The following B4GALNT4 variants were observed in gnomAD, a reference collection of about 807,000 sequenced individuals.
B4GALNT4 encodes the protein N-acetyl-beta-glucosaminyl-glycoprotein 4-beta-N-acetylgalactosaminyltransferase 1.
A neutral mutation model predicts 110.0 loss-of-function variants in B4GALNT4; 77 were observed. The ratio of observed to expected loss-of-function variants is 0.70; its 90% CI spans 0.58 to 0.85. B4GALNT4 has a LOEUF of 0.85. B4GALNT4 is among the 40% of genes least tolerant of loss of function. The pLI is 0.00. For missense variants in B4GALNT4, 1,575 were observed against 1,506.0 expected (o/e 1.05, Z -0.76); for synonymous variants, 785 against 655.5 (o/e 1.20, Z -3.02).
chr11:376,850 G>T lies in B4GALNT4; in HGVS notation c.1727G>T (p.Gly576Val). 1 of 1,324,628 alleles carries T rather than the reference G, an allele frequency of 7.5e-7. No individual in the cohort carries two copies. Among genetic ancestry groups the T allele is most frequent in the Non-Finnish European group, 9.6e-7 (1 of 1,038,748 alleles). 82.1% of individuals were successfully genotyped at this position (1,324,628 alleles called of 1,614,324 possible). The change falls in exon 14 of 20, where the codon GGC (glycine) becomes GTC (valine). Residue 576 changes from glycine to valine, a missense_variant. Transcript: ENST00000329962. Reference protein sequence around the residue: ...RAPPRPPRPHGRRTGGPQATQ... With the variant: ...RAPPRPPRPHVRRTGGPQATQ... Reference sequence around the variant, plus strand: ...CCCCCACGCCCACCCCGGCCCCACGGCCGCAGGACCGGCGGCCCCCAGGCC... The same window carrying T: ...CCCCCACGCCCACCCCGGCCCCACGTCCGCAGGACCGGCGGCCCCCAGGCC...
chr11:372,061 C>A, intron 1 of B4GALNT4, 48 bp from the exon 2 acceptor site: 1 of 1,479,872 alleles, frequency 6.8e-7, no homozygotes, highest in Non-Finnish European at 9.2e-7. Context: ...GGCAGAATGG[C>A]CTTGGAGAGA....
intron 18 of B4GALNT4, 99 bp from the exon 19 acceptor site, chr11:380,726 C>T (rs891349632): frequency 8.1e-5 from 128 of 1,588,394 alleles, no homozygotes; most frequent in Middle Eastern, 5.0e-4. Flanking sequence ...TGATGGGACC[C>T]GGCACCTGAC....
Position 376,232 on chromosome 11 carries a change from AT to A in B4GALNT4, c.1197-18del. ...GTGGGCGGGGCGGGACTCGGCTCTGATGCCCCGCCGCGCCCCAGGTTTGGGT... is the reference window on the plus strand; with the variant it reads ...GTGGGCGGGGCGGGACTCGGCTCTGAGCCCCGCCGCGCCCCAGGTTTGGGT... On this transcript the variant is annotated intron_variant, in intron 12 of 19. Transcript: ENST00000329962. 1 of 1,602,736 alleles carries A rather than the reference AT, an allele frequency of 6.2e-7. No individual in the cohort carries two copies. Among genetic ancestry groups the A allele is most frequent in the Non-Finnish European group, 8.5e-7 (1 of 1,174,042 alleles).
chr11:374,014 T>A (rs1010879573), intron 8 of B4GALNT4, among the ~76,000 whole-genome samples, 186 bp downstream of exon 8: 3 of 152,038 alleles, frequency 2.0e-5, no homozygotes, highest in Non-Finnish European at 4.4e-5. Context: ...GAGTCACCTT[T>A]GAGTAGAGTC....
intron 18 of B4GALNT4, 153 bp from the exon 19 acceptor site, chr11:380,672 G>T (rs755030153): frequency 1.5e-6 from 2 of 1,378,578 alleles, no homozygotes; most frequent in African/African-American, 2.9e-5. Flanking sequence ...GCGCTCCAGG[G>T]TCATGACCCA....
Position 376,921 on chromosome 11 carries a change from C to T in B4GALNT4, c.1798C>T (p.Arg600Trp), listed in dbSNP as rs1025331772. 7 of 1,391,672 alleles carry T rather than the reference C, an allele frequency of 5.0e-6. No individual in the cohort carries two copies. The African/African-American group carries it at 6.1e-5, about 12-fold the overall frequency. The allele number at this position is 1,391,672 out of a possible 1,614,324, so 86.2% of individuals were successfully genotyped here. A position where few individuals can be genotyped will look rare whatever the true frequency, so the allele number is the denominator to read the frequency against. Residue 600 changes from arginine to tryptophan, a missense_variant, in exon 14 of 20, where the codon CGG becomes TGG. By Grantham distance (101) the Arg-to-Trp change is moderately radical. Transcript: ENST00000329962. ...PARAQATQGG[R>W]EGQARTLGPA... ...CCGGGCGCAGGCCACCCAAGGGGGC[C>T]GGGAGGGCCAGGCGCGCACGCTGGG...
chr11:372,876 G>C lies in B4GALNT4; in HGVS notation c.373G>C (p.Val125Leu). Residue 125 changes from valine to leucine, a missense_variant, in exon 4 of 20, where the codon GTG becomes CTG. Transcript: ENST00000329962. ...GTACAAGGGGCAGGTGAACCTGCAC[G>C]TGTTTGAGGACTGGTGTGGGGGCGC... ...EEYKGQVNLH[V>L]FEDWCGGAVG... 1 of 1,611,908 alleles carries C rather than the reference G, an allele frequency of 6.2e-7. No homozygotes were observed. The highest frequency in any genetic ancestry group is 8.5e-7 in the Non-Finnish European group (1 of 1,179,736).
chr11:382,000 T>C lies in B4GALNT4; in HGVS notation c.*208T>C. On this transcript the variant is annotated 3_prime_UTR_variant, in exon 20 of 20. Coordinates refer to ENST00000329962, the MANE Select transcript of B4GALNT4 (RefSeq NM_178537.5). ...GTCAGGGCCTGGCCTTGGTCCCCAC[T>C]CTGCGATGATTTCTGTGAAATTTTG... The C allele has an allele frequency of 2.1e-6, 1 of 471,440 alleles. No individual in the cohort carries two copies. The highest frequency in any genetic ancestry group is 3.8e-5 in the East Asian group (1 of 26,444). The allele number at this position is 471,440 out of a possible 1,614,324, so 29.2% of individuals were successfully genotyped here.
At position 369,579 on chromosome 11, in the gene B4GALNT4, G is replaced by A. The variant is rs973348408; in HGVS notation, c.-225G>A. Among the ~76,000 whole-genome samples the A allele has an allele frequency of 7.0e-6, 1 of 143,664 alleles. No individual in the cohort carries two copies. Among genetic ancestry groups the A allele is most frequent in the South Asian group, 2.1e-4 (1 of 4,714 alleles). 94.2% of individuals were successfully genotyped at this position (143,664 alleles called of 152,430 possible). On this transcript the variant is annotated 5_prime_UTR_variant, in exon 1 of 20. Transcript: ENST00000329962. ...GGAGCCGGGAGCGGCCGGGCGGGGG[G>A]CACCGCGAGGAGCCGCCCCCGCCGC...
Position 375,687 on chromosome 11 carries a change from C to T in B4GALNT4, c.899C>T (p.Pro300Leu), listed in dbSNP as rs1245497605. 6.3e-7 allele frequency: 1 copy of T among 1,594,252 alleles called. No homozygotes were observed. Among genetic ancestry groups the T allele is most frequent in the African/African-American group, 1.3e-5 (1 of 74,886 alleles). ...CACGTGGCGCACGTCCCCCAGTCTC[C>T]AGCCAGCCACGTGGGGGGGCGTCCG... ...MDHVAHVPQS[P>L]ASHVGGRPPQ... The change falls in exon 10 of 20, where the codon CCA becomes CTA. Residue 300 changes from proline (P) to leucine (L), a missense_variant. Transcript: ENST00000329962.
At position 374,320 on chromosome 11, in the gene B4GALNT4, C is replaced by G. The variant is rs535721787; in HGVS notation, c.783+492C>G. On this transcript the variant is annotated intron_variant, in intron 8 of 19. Transcript: ENST00000329962. ...AGGATTTTTACTGTGGCCTTTGGTC[C>G]TCAAACCCAGGGAGGTGGCTGTGGG... 2.0e-5 allele frequency among the ~76,000 whole-genome samples: 3 copies of G among 151,880 alleles called. 1 individual carries two copies. The highest frequency in any genetic ancestry group is 7.2e-5 in the African/African-American group (3 of 41,418).
intron 14 of B4GALNT4, among the ~76,000 whole-genome samples, chr11:378,381 G>T (rs1846803901): frequency 6.6e-6 from 1 of 152,224 alleles, no homozygotes; most frequent in African/African-American, 2.4e-5. Flanking sequence ...CCGGCTCTAA[G>T]CTTCCTGAGA....
rs768736423 is a variant in B4GALNT4, at chr11:379,610, C to A, written c.2397C>A (p.Ala799=). The A allele has an allele frequency of 9.7e-6, 15 of 1,544,468 alleles. No individual in the cohort carries two copies. Among genetic ancestry groups the A allele is most frequent in the Non-Finnish European group, 1.2e-5 (14 of 1,148,808 alleles). The part of the protein sequence containing the change: ...ADGESPEPAP[A]ASVRPDGRPE... ...GAGAAAGTCCCGAACCCGCTCCCGC[C>A]GCCTCCGTGCGCCCCGACGGCCGCC... Residue 799 remains alanine (A), a synonymous_variant, in exon 15 of 20, where the codon GCC becomes GCA. Coordinates refer to ENST00000329962, the MANE Select transcript of B4GALNT4 (RefSeq NM_178537.5).
At chr11:369,978 G>GCGCGGGGGGCGGGGGCGGCGCGGGGT (rs1236723003) in intron 1 of B4GALNT4, 24 bp downstream of exon 1, 2 of 619,030 alleles carry the variant, frequency 3.2e-6, no homozygotes, top group African/African-American at 4.5e-5. Flanking sequence ...GGCGCGGGGG[G>GCGCGGGGGGCGGGGGCGGCGCGGGGT]CGCGGGGGGC....
chr11:376,983 C>T lies in B4GALNT4; in HGVS notation c.1860C>T (p.Ser620=), dbSNP rs1050468110. ...CCACAGTGGACTCAAACTTGTCCTC[C>T]GAAGCGCGGCCCGTGACCTCCTTCC... is the stretch of plus-strand genomic sequence containing the variant. ...AAPTVDSNLS[S]EARPVTSFLS... Residue 620 remains serine (S), a synonymous_variant, in exon 14 of 20, where the codon TCC becomes TCT. Transcript: ENST00000329962. The T allele has an allele frequency of 1.2e-5, 17 of 1,457,118 alleles. No homozygotes were observed. Among genetic ancestry groups the T allele is most frequent in the Admixed American group, 8.8e-5 (3 of 34,150 alleles). 90.3% of individuals were successfully genotyped at this position (1,457,118 alleles called of 1,614,324 possible).
At position 376,801 on chromosome 11, in the gene B4GALNT4, C is replaced by G; in HGVS notation, c.1678C>G (p.Leu560Val). The G allele has an allele frequency of 1.4e-6, 2 of 1,383,720 alleles. No homozygotes were observed. Among genetic ancestry groups the G allele is most frequent in the South Asian group, 1.5e-5 (1 of 68,180 alleles). 85.7% of individuals were successfully genotyped at this position (1,383,720 alleles called of 1,614,324 possible). Residue 560 changes from leucine to valine, a missense_variant, in exon 14 of 20, where the codon CTG (leucine) becomes GTG (valine). By Grantham distance (32) the Leu-to-Val change is conservative. Coordinates refer to ENST00000329962, the MANE Select transcript of B4GALNT4 (RefSeq NM_178537.5). ...FPGVFLHPRP[L>V]PRVQLRAPPR... ...TGGCGTCTTCCTGCACCCCAGGCCT[C>G]TGCCCAGAGTGCAGCTGCGGGCGCC...
chr11:375,587 G>A, intron 9 of B4GALNT4, 52 bp from the exon 10 acceptor site: 1 of 1,602,062 alleles, frequency 6.2e-7, no homozygotes, highest in Non-Finnish European at 8.5e-7. Context: ...GGTGTGAGTG[G>A]GAAGAGTGGA....
Position 373,246 on chromosome 11 carries a change from G to C in B4GALNT4, c.591G>C (p.Leu197=). Reference sequence around the variant, plus strand: ...ACAACTCGGAGTTCTGGCTGAGTCTGGACGAGAGCCCTGCTGCTGCCCAGC... The same window carrying C: ...ACAACTCGGAGTTCTGGCTGAGTCTCGACGAGAGCCCTGCTGCTGCCCAGC... ...SDDNSEFWLS[L]DESPAAAQLV... is the part of the protein sequence containing the mutation. The change falls in exon 6 of 20, where the codon CTG becomes CTC. Residue 197 remains leucine (L), a synonymous_variant. Coordinates refer to ENST00000329962, the MANE Select transcript of B4GALNT4 (RefSeq NM_178537.5). 6.2e-7 allele frequency: 1 copy of C among 1,612,050 alleles called. No homozygotes were observed. The highest frequency in any genetic ancestry group is 2.2e-5 in the East Asian group (1 of 44,838).
Position 381,658 on chromosome 11 carries a change from C to A in B4GALNT4, c.2997-11C>A. 1 of 1,580,638 alleles carries A rather than the reference C, an allele frequency of 6.3e-7. No individual in the cohort carries two copies. Among genetic ancestry groups the A allele is most frequent in the South Asian group, 1.1e-5 (1 of 88,300 alleles). On this transcript the variant is annotated splice_polypyrimidine_tract_variant and intron_variant, in intron 19 of 19. Transcript: ENST00000329962. ...CCGGGGTCCTGACCACCTCTCTGCC[C>A]CCGGCCCCAGGGTCCTGCAGGCAGG...
Sources: gnomAD v4.1 joint callset for allele counts (sites outside exome capture counted in the v4.1 genomes callset) on GRCh38, gnomAD v4.1.1 for gene constraint, MANE v1.5 for transcripts, NCBI Gene and HGNC (gene_info 2026-07-23, HGNC 2026-07-21) for gene names.